The following FBXW8 variants were observed in gnomAD, a reference collection of about 807,000 sequenced individuals.
FBXW8 encodes F-box and WD repeat domain containing 8, also known as F-box/WD repeat-containing protein 8.
In FBXW8, 57 loss-of-function variants were observed where a neutral mutation model predicts 65.3. That is an observed-to-expected ratio of 0.87 (90% CI 0.71 to 1.09). The LOEUF is 1.09. Among genes scored for constraint, FBXW8 ranks in the 50% least tolerant of loss-of-function variants. The probability of loss-of-function intolerance (pLI) is 0.00; values close to 1 mark genes in which losing one functional copy is unlikely to be tolerated. For missense variants in FBXW8, 777 were observed against 814.8 expected, an observed-to-expected ratio of 0.95 and a Z score of 0.57; for synonymous variants, 308 against 330.2, an observed-to-expected ratio of 0.93 and a Z score of 0.73.
chr12:116,945,791 C>T (rs944371249), intron 3 of FBXW8, among the ~76,000 whole-genome samples: 38 of 152,284 alleles, frequency 2.5e-4, no homozygotes, highest in African/African-American at 7.5e-4. Context: ...CACTTCCTCT[C>T]GGATTGTTAG....
chr12:116,959,419 C>G (rs1252771829), intron 4 of FBXW8, among the ~76,000 whole-genome samples: 1 of 152,122 alleles, frequency 6.6e-6, no homozygotes, highest in Non-Finnish European at 1.5e-5. Flanking sequence ...ACATTTTGAT[C>G]CCAGCTGTGC....
intron 5 of FBXW8, among the ~76,000 whole-genome samples, chr12:116,976,621 A>T (rs1592911731): frequency 7.2e-6 from 1 of 137,958 alleles, no homozygotes; most frequent in African/African-American, 2.7e-5. Context: ...ACACCGGCTA[A>T]TTTTTTTTTT....
At chr12:116,931,010 G>A (rs993346796) in intron 2 of FBXW8, among the ~76,000 whole-genome samples, 2 of 152,110 alleles carry the variant, frequency 1.3e-5, no homozygotes, top group Non-Finnish European at 2.9e-5. Flanking sequence ...GTCTTGCTTT[G>A]TTACCCAGGC....
At chr12:117,000,130 C>T (rs1028440933) in intron 7 of FBXW8, among the ~76,000 whole-genome samples, 1 of 152,152 alleles carries the variant, frequency 6.6e-6, no homozygotes, top group African/African-American at 2.4e-5. Flanking sequence ...TACAGGCGCC[C>T]GCCACCACGC....
intron 5 of FBXW8, among the ~76,000 whole-genome samples, chr12:116,965,625 A>C (rs1884268897): frequency 6.6e-6 from 1 of 152,174 alleles, no homozygotes; most frequent in African/African-American, 2.4e-5. Flanking sequence ...TGTTCATGTC[A>C]TGGCACCACT....
intron 5 of FBXW8, among the ~76,000 whole-genome samples, chr12:116,966,710 T>TA (rs1314084911): frequency 6.6e-6 from 1 of 152,206 alleles, no homozygotes; most frequent in African/African-American, 2.4e-5. Context: ...GTAGGCATGA[T>TA]AAAGAATCTA....
At position 116,928,196 on chromosome 12, in the gene FBXW8, T is replaced by A. The variant is rs1221574490; in HGVS notation, c.423+69T>A. On this transcript the variant is annotated intron_variant, in intron 2 of 10. Transcript: ENST00000652555. ...GATTAAGGTATAGGACTCTCCGGGG[T>A]AATAGAAATTTACTCACAGAATTAT... 6 of 942,996 alleles carry A rather than the reference T, an allele frequency of 6.4e-6. No homozygotes were observed. In the Middle Eastern group the frequency reaches 6.3e-4, roughly 98 times the overall value. The allele number at this position is 942,996 out of a possible 1,614,324, so 58.4% of individuals were successfully genotyped here.
At position 116,953,022 on chromosome 12, in the gene FBXW8, G is replaced by A. The variant is rs147777724; in HGVS notation, c.677+3316G>A. On this transcript the variant is annotated intron_variant, in intron 4 of 10. Transcript: ENST00000652555. Reference sequence around the variant, plus strand: ...CAAAGTGCTGGGATTACAGGCGTGAGCCACTGCACCCGGCCTGTAAGCATC... The same window carrying A: ...CAAAGTGCTGGGATTACAGGCGTGAACCACTGCACCCGGCCTGTAAGCATC... 7.1e-3 allele frequency among the ~76,000 whole-genome samples: 1,079 copies of A among 152,332 alleles called. 14 individuals are homozygous for A. The highest frequency in any genetic ancestry group is 0.024 in the African/African-American group (1,007 of 41,568).
Position 117,028,468 on chromosome 12 carries a change from C to A in FBXW8, c.*296C>A, listed in dbSNP as rs556533642. 2.9e-6 allele frequency: 1 copy of A among 339,818 alleles called. No homozygotes were observed. The highest frequency in any genetic ancestry group is 5.6e-6 in the Non-Finnish European group (1 of 180,068). The allele number at this position is 339,818 out of a possible 1,614,324, so 21.1% of individuals were successfully genotyped here. A position where few individuals can be genotyped will look rare whatever the true frequency, so the allele number is the denominator to read the frequency against. On this transcript the variant is annotated 3_prime_UTR_variant, in exon 11 of 11. Coordinates refer to ENST00000652555, the MANE Select transcript of FBXW8 (RefSeq NM_153348.3). This position sits in a 1 kb window ranked among gnomAD's most constrained non-coding sequence, Gnocchi z 4.1. ...AGGACGCCTCAGGGATCTCGCTGCG[C>A]GGTCCTATACGGTCCCTGCTTAGCC...
intron 1 of FBXW8, among the ~76,000 whole-genome samples, chr12:116,911,578 T>A (rs1879948331): frequency 6.6e-6 from 1 of 152,144 alleles, no homozygotes; most frequent in Non-Finnish European, 1.5e-5. Flanking sequence ...TCTGCAGACA[T>A]TTTTGGGTGC....
At chr12:116,969,206 G>A (rs1884504846) in intron 5 of FBXW8, among the ~76,000 whole-genome samples, 1 of 152,132 alleles carries the variant, frequency 6.6e-6, no homozygotes, top group South Asian at 2.1e-4. Flanking sequence ...AGGCTGCAGT[G>A]TTTCCATTGA....
At chr12:117,014,397 G>C (rs1953898386) in intron 8 of FBXW8, among the ~76,000 whole-genome samples, 1 of 152,100 alleles carries the variant, frequency 6.6e-6, no homozygotes, top group African/African-American at 2.4e-5. Context: ...AGTCGTTGAG[G>C]GTTCCCAAAC....
At chr12:116,956,397 G>T (rs557080937) in intron 4 of FBXW8, among the ~76,000 whole-genome samples, 1 of 152,218 alleles carries the variant, frequency 6.6e-6, no homozygotes, top group Admixed American at 6.5e-5. Flanking sequence ...AAACAAAACT[G>T]CCCATACCTC....
chr12:116,954,635 G>A (rs907445249), intron 4 of FBXW8, among the ~76,000 whole-genome samples: 7 of 152,030 alleles, frequency 4.6e-5, no homozygotes, highest in Non-Finnish European at 8.8e-5. Flanking sequence ...TCTCATTATC[G>A]TCTCCTAGTC....
At chr12:117,012,314 T>A (rs934549834) in intron 8 of FBXW8, among the ~76,000 whole-genome samples, 4 of 152,142 alleles carry the variant, frequency 2.6e-5, no homozygotes, top group African/African-American at 9.7e-5. Context: ...GCTCTGTCTC[T>A]GTGGATGAAA....
At chr12:117,004,397 T>A (rs1953626354) in intron 7 of FBXW8, among the ~76,000 whole-genome samples, 2 of 152,214 alleles carry the variant, frequency 1.3e-5, no homozygotes, top group Admixed American at 1.3e-4. Context: ...TTGGATTTTT[T>A]AAATTGTGAG....
Position 117,028,409 on chromosome 12 carries a change from C to A in FBXW8, c.*237C>A. The A allele has an allele frequency of 1.8e-6, 1 of 557,146 alleles. No individual in the cohort carries two copies. Among genetic ancestry groups the A allele is most frequent in the Non-Finnish European group, 3.2e-6 (1 of 314,248 alleles). 34.5% of individuals were successfully genotyped at this position (557,146 alleles called of 1,614,324 possible). On this transcript the variant is annotated 3_prime_UTR_variant, in exon 11 of 11. Transcript: ENST00000652555. The surrounding 1 kb of genome is among the most constrained non-coding windows in gnomAD (Gnocchi z 4.1). ...GCCAACTCAAACATAGCCTCCTTCCCCACCCAGCTGGCCACCCTGGCCTCA... is the reference window on the plus strand; with the variant it reads ...GCCAACTCAAACATAGCCTCCTTCCACACCCAGCTGGCCACCCTGGCCTCA...
At chr12:117,012,108 G>A (rs1447369740) in intron 8 of FBXW8, among the ~76,000 whole-genome samples, 1 of 152,102 alleles carries the variant, frequency 6.6e-6, no homozygotes, top group African/African-American at 2.4e-5. Flanking sequence ...CCAATCCCCT[G>A]TGGATACTGA....
Position 117,028,188 on chromosome 12 carries a change from G to A in FBXW8, c.*16G>A. 2 of 1,611,922 alleles carry A rather than the reference G, an allele frequency of 1.2e-6. No homozygotes were observed. The highest frequency in any genetic ancestry group is 1.1e-5 in the South Asian group (1 of 91,046). The stretch of plus-strand genomic sequence containing the variant: ...CCATGTTTAGGGATGTGCCTCAGTT[G>A]GGAGCAAGGAGAAAAATGGGAAGAA... On this transcript the variant is annotated 3_prime_UTR_variant, in exon 11 of 11. Coordinates refer to ENST00000652555, the MANE Select transcript of FBXW8 (RefSeq NM_153348.3). This position sits in a 1 kb window ranked among gnomAD's most constrained non-coding sequence, Gnocchi z 4.1.
Sources: allele counts gnomAD v4.1 joint callset (sites outside exome capture counted in the v4.1 genomes callset), GRCh38; gene constraint gnomAD v4.1.1; non-coding constraint Gnocchi (gnomAD v3.1); transcripts MANE v1.5; gene names NCBI Gene and HGNC (gene_info 2026-07-23, HGNC 2026-07-21).